MACROD2: variants seen among roughly 807,000 people sequenced by gnomAD.
MACROD2 encodes mono-ADP ribosylhydrolase 2, also known as ADP-ribose glycohydrolase MACROD2.
A neutral mutation model predicts 70.4 loss-of-function variants in MACROD2; 36 were observed. The ratio of observed to expected loss-of-function variants is 0.51; its 90% confidence interval spans 0.39 to 0.68. MACROD2 has a LOEUF of 0.68. MACROD2 is among the 30% of genes least tolerant of loss of function. The pLI, the probability that MACROD2 is intolerant of heterozygous loss-of-function variation, is 0.00. For missense variants in MACROD2, 496 were observed against 538.4 expected, an observed-to-expected ratio of 0.92 and a Z score of 0.78; for synonymous variants, 172 against 178.8, an observed-to-expected ratio of 0.96 and a Z score of 0.30.
chr20:15,657,018 G>C (rs79793475), intron 8 of MACROD2, among the ~76,000 whole-genome samples: 2,477 of 151,918 alleles, frequency 0.016, 77 homozygotes, highest in African/African-American at 0.055. Flanking sequence ...TCCATGCTTG[G>C]CATGGAAAGA....
chr20:15,939,602 ATGT>A (rs2065720823), intron 12 of MACROD2, among the ~76,000 whole-genome samples: 1 of 151,786 alleles, frequency 6.6e-6, no homozygotes, highest in Non-Finnish European at 1.5e-5. Flanking sequence ...AAGGAACATA[ATGT>A]TGTTTTCATG....
intron 5 of MACROD2, among the ~76,000 whole-genome samples, chr20:14,830,783 C>T (rs1422675125): frequency 6.6e-6 from 1 of 152,110 alleles, no homozygotes; most frequent in Non-Finnish European, 1.5e-5. Flanking sequence ...TGTACTCAGG[C>T]ACTTGAGAAA....
At chr20:14,762,039 G>A (rs2072022263) in intron 5 of MACROD2, among the ~76,000 whole-genome samples, 1 of 152,072 alleles carries the variant, frequency 6.6e-6, no homozygotes, top group African/African-American at 2.4e-5. Context: ...TGCTACCTGA[G>A]GTCTGTTCTC....
At chr20:14,383,455 A>G (rs1469889910) in intron 3 of MACROD2, among the ~76,000 whole-genome samples, 1 of 152,158 alleles carries the variant, frequency 6.6e-6, no homozygotes, top group Non-Finnish European at 1.5e-5. Flanking sequence ...TCAAATTTGG[A>G]CTTCTGTCTT....
chr20:15,038,247 T>G (rs1252932513), intron 5 of MACROD2, among the ~76,000 whole-genome samples: 1 of 152,224 alleles, frequency 6.6e-6, no homozygotes, highest in African/African-American at 2.4e-5. Context: ...TCAAACTGCA[T>G]TTATATCTCT....
chr20:14,561,518 G>A (rs916319515), intron 4 of MACROD2, among the ~76,000 whole-genome samples: 2 of 151,714 alleles, frequency 1.3e-5, no homozygotes, highest in African/African-American at 2.4e-5. Context: ...GTATACAAAT[G>A]TTATATTTTT....
intron 15 of MACROD2, among the ~76,000 whole-genome samples, chr20:16,040,409 C>T (rs1393018361): frequency 6.6e-6 from 1 of 151,752 alleles, no homozygotes; most frequent in East Asian, 1.9e-4. Context: ...AATCATAAAA[C>T]CTTTAAAATT....
At chr20:14,381,433 A>T (rs1248434040) in intron 3 of MACROD2, among the ~76,000 whole-genome samples, 3 of 152,192 alleles carry the variant, frequency 2.0e-5, no homozygotes, top group Non-Finnish European at 4.4e-5. Flanking sequence ...CAATGAAAAT[A>T]TGATAGGTCC....
chr20:14,410,093 T>A (rs1332355649), intron 3 of MACROD2, among the ~76,000 whole-genome samples: 2 of 152,224 alleles, frequency 1.3e-5, no homozygotes, highest in East Asian at 1.9e-4. Flanking sequence ...TGTCCATCAA[T>A]GATTGGCAAG....
At chr20:14,948,371 T>C (rs1351247536) in intron 5 of MACROD2, among the ~76,000 whole-genome samples, 1 of 152,216 alleles carries the variant, frequency 6.6e-6, no homozygotes, top group Non-Finnish European at 1.5e-5. Flanking sequence ...CTTAACTAGC[T>C]GTGGACCCTC....
At chr20:15,028,899 G>A (rs966635687) in intron 5 of MACROD2, among the ~76,000 whole-genome samples, 1 of 152,208 alleles carries the variant, frequency 6.6e-6, no homozygotes, top group Non-Finnish European at 1.5e-5. Context: ...GGAGAAATGG[G>A]CAAGGAAGAA....
intron 15 of MACROD2, among the ~76,000 whole-genome samples, chr20:16,002,981 A>G (rs1228227444): frequency 1.3e-5 from 2 of 151,982 alleles, no homozygotes; most frequent in African/African-American, 4.8e-5. Context: ...ACTTTCAATG[A>G]TGTTTATTAA....
At chr20:14,063,576 T>G (rs1242777695) in intron 2 of MACROD2, among the ~76,000 whole-genome samples, 4 of 152,172 alleles carry the variant, frequency 2.6e-5, no homozygotes, top group East Asian at 1.9e-4. Flanking sequence ...GTACTTAACA[T>G]AAACTTTGTT....
intron 3 of MACROD2, chr20:14,128,102 T>TAA (rs2054674614): frequency 1.8e-6 from 1 of 546,310 alleles, no homozygotes; most frequent in African/African-American, 1.9e-5. Context: ...TGGTCATGTG[T>TAA]GCTTGTTCAC....
intron 8 of MACROD2, among the ~76,000 whole-genome samples, chr20:15,852,526 A>AAGTAGCAG (rs1403332341): frequency 6.6e-6 from 1 of 152,196 alleles, no homozygotes; most frequent in African/African-American, 2.4e-5. Flanking sequence ...TTGGAGATTG[A>AAGTAGCAG]AGTAGCAGGT....
Position 14,414,929 on chromosome 20 carries a change from G to GTTT in MACROD2, c.272-78539_272-78537dup, listed in dbSNP as rs11479088. Among the ~76,000 whole-genome samples the GTTT allele has an allele frequency of 2.0e-3, 284 of 145,014 alleles. 2 individuals carry two copies. Among genetic ancestry groups the GTTT allele is most frequent in the African/African-American group, 6.3e-3 (251 of 39,534 alleles). ...CTCATCACTTTCTCACCTGCTTTAT[G>GTTT]TTTTTTTTTTTTTCCCATGGTGTGC... On this transcript the variant is annotated intron_variant, in intron 3 of 17. Coordinates refer to ENST00000684519, the MANE Select transcript of MACROD2 (RefSeq NM_001351661.2).
chr20:14,616,381 A>G (rs558789783), intron 4 of MACROD2, among the ~76,000 whole-genome samples: 1 of 152,188 alleles, frequency 6.6e-6, no homozygotes, highest in African/African-American at 2.4e-5. Context: ...CGCTTATACC[A>G]CAGTGATGGT....
chr20:14,217,716 T>C (rs2081635351), intron 3 of MACROD2, among the ~76,000 whole-genome samples: 1 of 152,170 alleles, frequency 6.6e-6, no homozygotes, highest in Non-Finnish European at 1.5e-5. Context: ...GGGTATCTAA[T>C]TCCTCCTGAC....
At chr20:14,288,721 A>G (rs1213250894) in intron 3 of MACROD2, among the ~76,000 whole-genome samples, 1 of 152,080 alleles carries the variant, frequency 6.6e-6, no homozygotes, top group Non-Finnish European at 1.5e-5. Flanking sequence ...TTTTTCAAGG[A>G]ACTTGAAATC....
Sources: allele counts gnomAD v4.1 joint callset (sites outside exome capture counted in the v4.1 genomes callset), GRCh38; gene constraint gnomAD v4.1.1; transcripts MANE v1.5; gene names NCBI Gene and HGNC (gene_info 2026-07-23, HGNC 2026-07-21).